The following ASPH variants were observed in gnomAD, a reference collection of about 807,000 sequenced individuals.
ASPH encodes the protein aspartate beta-hydroxylase.
In ASPH, 100 loss-of-function variants were observed where a neutral mutation model predicts 118.4. The observed-to-expected ratio is 0.84, with a 90% confidence interval of 0.72 to 1.00. The LOEUF (loss-of-function observed/expected upper bound fraction) is 1.00. ASPH is among the 50% of genes least tolerant of loss of function. The pLI is 0.00. For synonymous variants in ASPH, 315 were observed against 325.6 expected, an observed-to-expected ratio of 0.97 and a Z score of 0.35; for missense variants, 920 against 919.5, an observed-to-expected ratio of 1.00 and a Z score of -0.01.
chr8:61,634,274 T>G (rs139605853), intron 12 of ASPH, among the ~76,000 whole-genome samples: 3 of 152,300 alleles, frequency 2.0e-5, no homozygotes, highest in Non-Finnish European at 4.4e-5. Context: ...AAAGACATAG[T>G]GATCTGATTT....
At chr8:61,647,169 T>G (rs931048547) in intron 5 of ASPH, among the ~76,000 whole-genome samples, 4 of 152,208 alleles carry the variant, frequency 2.6e-5, no homozygotes, top group Admixed American at 2.0e-4. Flanking sequence ...GGGCCATGTC[T>G]AGCTAAAGGA....
chr8:61,637,925 C>A (rs778908616), intron 12 of ASPH, 22 bp downstream of exon 12: 75 of 1,594,218 alleles, frequency 4.7e-5, no homozygotes, highest in Admixed American at 2.9e-4. Context: ...AAGGTAAAAC[C>A]ACTTCCATAA....
chr8:61,667,354 TATA>T (rs1209832225), intron 3 of ASPH, among the ~76,000 whole-genome samples: 2 of 152,222 alleles, frequency 1.3e-5, no homozygotes, highest in East Asian at 1.9e-4. Flanking sequence ...GGCTGACAGG[TATA>T]ATAACTTATT....
rs950659922 is a variant in ASPH at position 61,501,078 on chromosome 8, G to A, written c.*2281C>T. 1 of 151,682 alleles carries A rather than the reference G, an allele frequency of 6.6e-6. No homozygotes were observed. Among genetic ancestry groups the A allele is most frequent in the Non-Finnish European group, 1.5e-5 (1 of 67,978 alleles). 9.4% of individuals were successfully genotyped at this position (151,682 alleles called of 1,614,324 possible). On this transcript the variant is annotated 3_prime_UTR_variant, in exon 25 of 25. Transcript: ENST00000379454. ...AATTAAAAATATTTCTCAAACAACTGTATCACAATATAAATTAAACTAATT... is the reference window on the plus strand; with the variant it reads ...AATTAAAAATATTTCTCAAACAACTATATCACAATATAAATTAAACTAATT...
At chr8:61,651,821 C>T (rs370413027) in intron 4 of ASPH, among the ~76,000 whole-genome samples, 25 of 152,314 alleles carry the variant, frequency 1.6e-4, no homozygotes, top group East Asian at 1.4e-3. Flanking sequence ...TTAGACTTAA[C>T]TGCAACATCA....
At chr8:61,516,700 A>G (rs1811042183) in intron 24 of ASPH, among the ~76,000 whole-genome samples, 1 of 152,178 alleles carries the variant, frequency 6.6e-6, no homozygotes, top group Non-Finnish European at 1.5e-5. Flanking sequence ...TATAAAACTA[A>G]ATTGGATCTT....
chr8:61,545,181 G>A (rs898666434), intron 21 of ASPH, among the ~76,000 whole-genome samples: 1 of 152,168 alleles, frequency 6.6e-6, no homozygotes, highest in Non-Finnish European at 1.5e-5. Flanking sequence ...AGGAAGTGGG[G>A]CCTTTGGGAG....
At chr8:61,564,374 C>T (rs1386218848) in intron 17 of ASPH, among the ~76,000 whole-genome samples, 1 of 150,866 alleles carries the variant, frequency 6.6e-6, no homozygotes, top group Non-Finnish European at 1.5e-5. Flanking sequence ...TCTCGGCTCA[C>T]TGCAATCTCT....
At chr8:61,667,160 A>G (rs1270123550) in intron 3 of ASPH, among the ~76,000 whole-genome samples, 2 of 152,168 alleles carry the variant, frequency 1.3e-5, no homozygotes, top group African/African-American at 4.8e-5. Flanking sequence ...AACTACAAAC[A>G]ATATGCCAAG....
chr8:61,629,135 T>C (rs770126036), intron 13 of ASPH, among the ~76,000 whole-genome samples: 15 of 152,202 alleles, frequency 9.9e-5, no homozygotes, highest in Non-Finnish European at 1.5e-4. Flanking sequence ...TGGGATAAGC[T>C]GCAAGTGGTA....
At chr8:61,566,620 C>G (rs1425510343) in intron 17 of ASPH, among the ~76,000 whole-genome samples, 2 of 152,212 alleles carry the variant, frequency 1.3e-5, no homozygotes, top group Non-Finnish European at 2.9e-5. Context: ...AAGGAAGAGT[C>G]AATCAATGCA....
chr8:61,621,917 C>T (rs1437587495), intron 13 of ASPH, among the ~76,000 whole-genome samples: 1 of 152,196 alleles, frequency 6.6e-6, no homozygotes, highest in Non-Finnish European at 1.5e-5. Flanking sequence ...CTACTCTTTA[C>T]CTGTCTTAAC....
At chr8:61,659,142 C>G (rs118089653) in intron 3 of ASPH, 1 of 152,236 alleles carries the variant, frequency 6.6e-6, no homozygotes, top group Non-Finnish European at 1.5e-5. Flanking sequence ...GACTAGTGGG[C>G]TGTACTGACA....
At chr8:61,506,450 C>T (rs1383454734) in intron 24 of ASPH, among the ~76,000 whole-genome samples, 1 of 151,990 alleles carries the variant, frequency 6.6e-6, no homozygotes, top group Non-Finnish European at 1.5e-5. Context: ...AACTGCACAC[C>T]TAAAAATGGA....
chr8:61,655,667 T>C (rs1290057961), intron 3 of ASPH, among the ~76,000 whole-genome samples: 3 of 152,120 alleles, frequency 2.0e-5, no homozygotes, highest in Non-Finnish European at 4.4e-5. Context: ...CCCCTGAGAG[T>C]CAGCTTTCTC....
At chr8:61,627,201 G>GA (rs1435107686) in intron 13 of ASPH, among the ~76,000 whole-genome samples, 45 of 152,138 alleles carry the variant, frequency 3.0e-4, no homozygotes, top group African/African-American at 5.8e-4. Flanking sequence ...ACAATTGAGG[G>GA]AAAAAAACTC....
chr8:61,535,576 T>G (rs1819177586), intron 21 of ASPH, among the ~76,000 whole-genome samples: 1 of 152,240 alleles, frequency 6.6e-6, no homozygotes, highest in Non-Finnish European at 1.5e-5. Flanking sequence ...AGGCTATTCT[T>G]GGCAAAGTCT....
intron 3 of ASPH, chr8:61,661,501 G>C (rs1386116310): frequency 6.5e-6 from 1 of 154,026 alleles, no homozygotes; most frequent in Non-Finnish European, 1.4e-5. Context: ...CTGAGCAATC[G>C]ATTTTGAGAA....
At chr8:61,531,602 T>C (rs1386374356) in intron 21 of ASPH, among the ~76,000 whole-genome samples, 1 of 151,992 alleles carries the variant, frequency 6.6e-6, no homozygotes, top group African/African-American at 2.4e-5. Flanking sequence ...TTGAATATAT[T>C]CAAAGTGAAC....
Sources: allele counts gnomAD v4.1 joint callset (sites outside exome capture counted in the v4.1 genomes callset), GRCh38; gene constraint gnomAD v4.1.1; transcripts MANE v1.5; gene names NCBI Gene and HGNC (gene_info 2026-07-23, HGNC 2026-07-21).